The following LRRTM4 variants were observed in gnomAD, a reference collection of about 807,000 sequenced individuals.
LRRTM4 encodes leucine-rich repeat transmembrane neuronal protein 4.
A neutral mutation model predicts 47.6 loss-of-function variants in LRRTM4; 25 were observed. The observed-to-expected ratio is 0.53, with a 90% CI of 0.38 to 0.73. The LOEUF (loss-of-function observed/expected upper bound fraction) is 0.73, where lower values mean the gene tolerates loss of function less well. LRRTM4 is among the 30% of genes least tolerant of loss of function. The pLI, the probability that LRRTM4 is intolerant of heterozygous loss-of-function variation, is 0.00. For synonymous variants in LRRTM4, 311 were observed against 269.5 expected (o/e 1.15, Z -1.51); for missense variants, 638 against 713.4 (o/e 0.89, Z 1.20).
At chr2:77,430,100 A>G (rs563847621) in intron 3 of LRRTM4, among the ~76,000 whole-genome samples, 60 of 152,266 alleles carry the variant, frequency 3.9e-4, no homozygotes, top group African/African-American at 1.4e-3. Flanking sequence ...AAACATGCTA[A>G]CTAGAGTTAA....
At chr2:77,078,283 G>C (rs1466978676) in intron 3 of LRRTM4, among the ~76,000 whole-genome samples, 3 of 151,846 alleles carry the variant, frequency 2.0e-5, no homozygotes, top group Admixed American at 6.6e-5. Flanking sequence ...TTCTCTCGTT[G>C]CTATTTTCTT....
At chr2:77,018,331 A>G (rs1164639358) in intron 3 of LRRTM4, among the ~76,000 whole-genome samples, 1 of 138,822 alleles carries the variant, frequency 7.2e-6, no homozygotes, top group African/African-American at 2.7e-5. Context: ...GTCAGGGAAT[A>G]AAGACTTCTT....
chr2:76,977,239 T>C (rs1676452708), intron 3 of LRRTM4, among the ~76,000 whole-genome samples: 1 of 151,700 alleles, frequency 6.6e-6, no homozygotes, highest in Admixed American at 6.6e-5. Flanking sequence ...CACCTGGATA[T>C]TATACTGATT....
At chr2:77,305,929 A>C (rs1677258588) in intron 3 of LRRTM4, among the ~76,000 whole-genome samples, 1 of 152,162 alleles carries the variant, frequency 6.6e-6, no homozygotes, top group African/African-American at 2.4e-5. Flanking sequence ...CCAGGATAAT[A>C]GTATGTACAT....
intron 3 of LRRTM4, among the ~76,000 whole-genome samples, chr2:76,848,689 G>A (rs1288221731): frequency 2.0e-5 from 3 of 151,772 alleles, no homozygotes; most frequent in African/African-American, 7.3e-5. Flanking sequence ...TTTATAACAA[G>A]GATTTTTAAA....
intron 3 of LRRTM4, among the ~76,000 whole-genome samples, chr2:77,123,135 G>GTT (rs1671561689): frequency 6.6e-6 from 1 of 151,316 alleles, no homozygotes; most frequent in East Asian, 1.9e-4. Flanking sequence ...AAAGGAAATA[G>GTT]ATCAGTTGAC....
chr2:77,311,927 G>C (rs945596264), intron 3 of LRRTM4, among the ~76,000 whole-genome samples: 1 of 152,180 alleles, frequency 6.6e-6, no homozygotes, highest in Non-Finnish European at 1.5e-5. Flanking sequence ...GGCAAAGCAT[G>C]TGGGGCTTAA....
At chr2:77,360,654 C>T (rs888168510) in intron 3 of LRRTM4, among the ~76,000 whole-genome samples, 3 of 151,978 alleles carry the variant, frequency 2.0e-5, no homozygotes, top group African/African-American at 7.3e-5. Flanking sequence ...CTTCCCTAAA[C>T]GTCTCCTTAG....
intron 3 of LRRTM4, among the ~76,000 whole-genome samples, chr2:77,362,163 A>AAGAAAG (rs1672260332): frequency 6.6e-6 from 1 of 151,142 alleles, no homozygotes; most frequent in Non-Finnish European, 1.5e-5. Context: ...GAAAGAAAGA[A>AAGAAAG]AGAAAGAAAG....
At chr2:77,276,649 A>G in intron 3 of LRRTM4, among the ~76,000 whole-genome samples, 1 of 140,902 alleles carries the variant, frequency 7.1e-6, no homozygotes, top group African/African-American at 2.6e-5. Context: ...AATCAATAGA[A>G]GATCAGTAAA....
chr2:77,296,387 T>C (rs914717558), intron 3 of LRRTM4, among the ~76,000 whole-genome samples: 1 of 152,194 alleles, frequency 6.6e-6, no homozygotes, highest in Non-Finnish European at 1.5e-5. Flanking sequence ...TCGATTTTTT[T>C]GGCCTATTTA....
chr2:76,892,544 T>C (rs1393046200), intron 3 of LRRTM4, among the ~76,000 whole-genome samples: 1 of 151,722 alleles, frequency 6.6e-6, no homozygotes, highest in Non-Finnish European at 1.5e-5. Context: ...AAGTGTAAAC[T>C]GCAATTTTTT....
At chr2:76,835,999 T>G (rs1221525438) in intron 3 of LRRTM4, among the ~76,000 whole-genome samples, 2 of 152,026 alleles carry the variant, frequency 1.3e-5, no homozygotes, top group African/African-American at 2.4e-5. Context: ...GGATATTTCT[T>G]TTTTCCCTTG....
intron 3 of LRRTM4, among the ~76,000 whole-genome samples, chr2:76,885,329 A>G (rs1285785323): frequency 6.6e-6 from 1 of 152,068 alleles, no homozygotes; most frequent in Non-Finnish European, 1.5e-5. Flanking sequence ...CTGGGACCCT[A>G]TCTTACTTAT....
rs1422830136 is a variant in LRRTM4, at chr2:77,519,158, T to C, written c.711A>G (p.Gln237=). The C allele has an allele frequency of 1.9e-6, 3 of 1,613,210 alleles. No individual in the cohort carries two copies. Among genetic ancestry groups the C allele is most frequent in the South Asian group, 1.1e-5 (1 of 91,070 alleles). Residue 237 remains glutamine (Q), a synonymous_variant, in exon 3 of 4, where the codon CAA becomes CAG. Coordinates refer to ENST00000409884, the MANE Select transcript of LRRTM4 (RefSeq NM_001134745.3). The surrounding 1 kb of genome is among the most constrained non-coding windows in gnomAD (Gnocchi z 4.6). The stretch of plus-strand genomic sequence containing the variant: ...GGCTAATGGAGCGAATCCTGTTCCA[T>C]TGTAAGTAAATTGAGCGGAGGTTGA... The part of the protein sequence containing the change: ...RLFNLRSIYL[Q]WNRIRSISQG...
At chr2:77,058,084 A>T (rs1180604500) in intron 3 of LRRTM4, among the ~76,000 whole-genome samples, 1 of 152,116 alleles carries the variant, frequency 6.6e-6, no homozygotes, top group Non-Finnish European at 1.5e-5. Context: ...TTATGGGAAC[A>T]TTTCATGGTA....
chr2:77,060,356 C>T (rs545909388), intron 3 of LRRTM4, among the ~76,000 whole-genome samples: 1 of 151,898 alleles, frequency 6.6e-6, no homozygotes, highest in Non-Finnish European at 1.5e-5. Flanking sequence ...ATGCTATTGG[C>T]TTTATTGAAT....
rs1679544106 is a variant in LRRTM4 at position 77,522,235 on chromosome 2, C to T, written c.-274G>A. ...GACCCCAGTTTAAAAGCTATGCAGG[C>T]TAGGTTTATCCATTTAGCTGGTCAG... On this transcript the variant is annotated 5_prime_UTR_variant, in exon 1 of 4. Transcript: ENST00000409884. 1 of 663,376 alleles carries T rather than the reference C, an allele frequency of 1.5e-6. No homozygotes were observed. The highest frequency in any genetic ancestry group is 2.8e-6 in the Non-Finnish European group (1 of 361,576). 41.1% of individuals were successfully genotyped at this position (663,376 alleles called of 1,614,324 possible). A position where few individuals can be genotyped will look rare whatever the true frequency, so the allele number is the denominator to read the frequency against.
chr2:77,260,681 T>C (rs1167455512), intron 3 of LRRTM4, among the ~76,000 whole-genome samples: 1 of 149,610 alleles, frequency 6.7e-6, no homozygotes, highest in Non-Finnish European at 1.5e-5. Context: ...ACACATGCAA[T>C]AAATGCTGTC....
Sources: gnomAD v4.1 joint callset for allele counts (sites outside exome capture counted in the v4.1 genomes callset) on GRCh38, gnomAD v4.1.1 for gene constraint, Gnocchi (gnomAD v3.1) non-coding constraint, MANE v1.5 for transcripts, NCBI Gene and HGNC (gene_info 2026-07-23, HGNC 2026-07-21) for gene names.